Variants in AKT1S1 observed in about 807,000 individuals in gnomAD.
The protein encoded by AKT1S1 is proline-rich AKT1 substrate 1.
Under a neutral mutation model 21.2 loss-of-function variants are expected in AKT1S1, and 17 were observed. The observed-to-expected ratio is 0.80, with a 90% CI of 0.55 to 1.20. AKT1S1 has a LOEUF of 1.20. Ranked by LOEUF, AKT1S1 falls within the 50% of genes most tolerant of loss-of-function variation. The pLI is 0.00. For missense variants in AKT1S1, 366 were observed against 368.3 expected (o/e 0.99, Z 0.05); for synonymous variants, 181 against 165.6 (o/e 1.09, Z -0.72).
chr19:49,873,472 T>C lies in AKT1S1; in HGVS notation c.-7-170A>G. ...CTGCTACTCCCCAGGATTCTCACCATCCAGTCCTCGCAGGCCCAGACCCTG... is the reference window on the plus strand; with the variant it reads ...CTGCTACTCCCCAGGATTCTCACCACCCAGTCCTCGCAGGCCCAGACCCTG... On this transcript the variant is annotated intron_variant, in intron 1 of 4. Coordinates refer to ENST00000344175, the MANE Select transcript of AKT1S1 (RefSeq NM_001098633.4). This position sits in a 1 kb window ranked among gnomAD's most constrained non-coding sequence, Gnocchi z 6.9. 1 of 1,255,704 alleles carries C rather than the reference T, an allele frequency of 8.0e-7. No individual in the cohort carries two copies. The highest frequency in any genetic ancestry group is 1.0e-6 in the Non-Finnish European group (1 of 972,088). 77.8% of individuals were successfully genotyped at this position (1,255,704 alleles called of 1,614,324 possible).
Position 49,873,666 on chromosome 19 carries a change from A to C in AKT1S1, c.-7-364T>G. 8.1e-5 allele frequency: 17 copies of C among 208,930 alleles called. No individual in the cohort carries two copies. Among genetic ancestry groups the C allele is most frequent in the East Asian group, 2.2e-4 (2 of 9,028 alleles). The allele number at this position is 208,930 out of a possible 1,614,324, so 12.9% of individuals were successfully genotyped here. A position where few individuals can be genotyped will look rare whatever the true frequency, so the allele number is the denominator to read the frequency against. ...CTAGCAGAGAGGCCTCTAACAATAAAACCTGCACTGGGTTCTGAAGACTGA... is the reference window on the plus strand; with the variant it reads ...CTAGCAGAGAGGCCTCTAACAATAACACCTGCACTGGGTTCTGAAGACTGA... On this transcript the variant is annotated intron_variant, in intron 1 of 4. Transcript: ENST00000344175. This position sits in a 1 kb window ranked among gnomAD's most constrained non-coding sequence, Gnocchi z 6.9.
At chr19:49,877,670 A>T (rs559648305), upstream of AKT1S1, 2 of 1,583,520 alleles carry the variant, frequency 1.3e-6, no homozygotes, top group African/African-American at 2.7e-5. Flanking sequence ...GGAAGTGACA[A>T]CACGCTGACT....
In AKT1S1 at chr19:49,869,570, G is replaced by T. The variant is rs142522815; in HGVS notation, c.*347C>A. 71 of 212,962 alleles carry T rather than the reference G, an allele frequency of 3.3e-4. No individual in the cohort carries two copies. In the East Asian group the frequency reaches 7.1e-3, roughly 21 times the overall value. 13.2% of individuals were successfully genotyped at this position (212,962 alleles called of 1,614,324 possible). On this transcript the variant is annotated 3_prime_UTR_variant, in exon 5 of 5. Transcript: ENST00000344175. ...AAGAGCTGTCCAGCGACTAGGGGATGGAGCCAATGCCGTGCGAGCAAATCC... is the reference window on the plus strand; with the variant it reads ...AAGAGCTGTCCAGCGACTAGGGGATTGAGCCAATGCCGTGCGAGCAAATCC...
In AKT1S1 at chr19:49,873,232, C is replaced by T. The variant is rs2074906078; in HGVS notation, c.64G>A (p.Ala22Thr). 2.0e-6 allele frequency: 3 copies of T among 1,536,560 alleles called. No homozygotes were observed. The highest frequency in any genetic ancestry group is 2.6e-6 in the Non-Finnish European group (3 of 1,151,436). The stretch of plus-strand genomic sequence containing the variant: ...AGCACCAGCTCCGTGCCAGTCCGGG[C>T]CCGGAAGCGCTCAGCGGCCCCCACC... ...AVVGAAERFRARTGTELVLLT... is the reference protein window; with the variant it reads ...AVVGAAERFRTRTGTELVLLT... The change falls in exon 2 of 5, where the codon GCC (alanine) becomes ACC (threonine). Residue 22 changes from alanine (A) to threonine (T), a missense_variant. Coordinates refer to ENST00000344175, the MANE Select transcript of AKT1S1 (RefSeq NM_001098633.4). This position sits in a 1 kb window ranked among gnomAD's most constrained non-coding sequence, Gnocchi z 6.9.
In AKT1S1 at chr19:49,869,812, G is replaced by T; in HGVS notation, c.*105C>A. The T allele has an allele frequency of 8.3e-7, 1 of 1,206,138 alleles. No individual in the cohort carries two copies. The highest frequency in any genetic ancestry group is 1.1e-6 in the Non-Finnish European group (1 of 924,692). 74.7% of individuals were successfully genotyped at this position (1,206,138 alleles called of 1,614,324 possible). A position where few individuals can be genotyped will look rare whatever the true frequency, so the allele number is the denominator to read the frequency against. ...ACAATCTTGGGAATGGGAGACGCAA[G>T]GAGGCCGGTCCCGGATCGGCCTCAG... On this transcript the variant is annotated 3_prime_UTR_variant, in exon 5 of 5. Transcript: ENST00000344175.
At position 49,876,525 on chromosome 19, in the gene AKT1S1, T is replaced by C. The variant is rs114481180; in HGVS notation, c.-8+712A>G. ...AGGCCATACCCCTCCCGTGAGCCGC[T>C]CGCCCTCCCAGCGCCCCGCTGCCTC... is the stretch of plus-strand genomic sequence containing the variant. On this transcript the variant is annotated intron_variant, in intron 1 of 4. Transcript: ENST00000344175. 2,005 of 1,451,306 alleles carry C rather than the reference T, an allele frequency of 1.4e-3. 22 individuals carry two copies. The African/African-American group carries it at 0.025, about 18-fold the overall frequency. The allele number at this position is 1,451,306 out of a possible 1,614,324, so 89.9% of individuals were successfully genotyped here. A position where few individuals can be genotyped will look rare whatever the true frequency, so the allele number is the denominator to read the frequency against.
intron 4 of AKT1S1, among the ~76,000 whole-genome samples, chr19:49,870,511 C>G (rs2074872494): frequency 6.6e-6 from 1 of 152,206 alleles, no homozygotes; most frequent in African/African-American, 2.4e-5. Context: ...AACAGGGTCT[C>G]TGTGAGGGCT....
In AKT1S1 at chr19:49,869,894, C is replaced by G. The variant is rs905134453; in HGVS notation, c.*23G>C. 19 of 1,465,858 alleles carry G rather than the reference C, an allele frequency of 1.3e-5. No individual in the cohort carries two copies. Among genetic ancestry groups the G allele is most frequent in the Non-Finnish European group, 1.6e-5 (18 of 1,094,634 alleles). The allele number at this position is 1,465,858 out of a possible 1,614,324, so 90.8% of individuals were successfully genotyped here. A position where few individuals can be genotyped will look rare whatever the true frequency, so the allele number is the denominator to read the frequency against. On this transcript the variant is annotated 3_prime_UTR_variant, in exon 5 of 5. Transcript: ENST00000344175. Reference sequence around the variant, plus strand: ...TAGTGTGGGACGGGGCGGACGCGGCCCGGGGCGCTCCCTCCCTGGACTTCA... The same window carrying G: ...TAGTGTGGGACGGGGCGGACGCGGCGCGGGGCGCTCCCTCCCTGGACTTCA...
chr19:49,875,368 G>A (rs890297411), intron 1 of AKT1S1: 4 of 46,926 alleles, frequency 8.5e-5, no homozygotes, highest in Admixed American at 2.1e-4. Flanking sequence ...CTGAAACTGT[G>A]AGGCTCAGAG....
At chr19:49,878,104 C>A (rs3745485), upstream of AKT1S1, 3 of 1,517,550 alleles carry the variant, frequency 2.0e-6, no homozygotes, top group East Asian at 2.5e-5. Context: ...CTGGTCCCCT[C>A]GCTTGGGCCC....
Position 49,872,642 on chromosome 19 carries a change from C to T in AKT1S1, c.379+275G>A, listed in dbSNP as rs538872653. 7.9e-5 allele frequency among the ~76,000 whole-genome samples: 12 copies of T among 152,298 alleles called. No homozygotes were observed. In the South Asian group the frequency reaches 2.3e-3, roughly 29 times the overall value. On this transcript the variant is annotated intron_variant, in intron 2 of 4. Transcript: ENST00000344175. ...CGGGACTCCAGTTCCTTGGCTAGAC[C>T]GGGAGCCCCTTGAGAAAAAAGCCCG...
intron 1 of AKT1S1, chr19:49,876,557 G>A (rs774852190): frequency 2.7e-6 from 4 of 1,484,022 alleles, no homozygotes; most frequent in Middle Eastern, 1.8e-4. Flanking sequence ...CCTCAGGACG[G>A]CCAAATCCTC....
At chr19:49,875,881 C>G (rs1600436319) in intron 1 of AKT1S1, 8 of 985,460 alleles carry the variant, frequency 8.1e-6, no homozygotes, top group Non-Finnish European at 9.6e-6. Context: ...TACCCTTCAG[C>G]TTCTAGAGGA....
In AKT1S1 at chr19:49,869,913, G is replaced by T. The variant is rs1404755294; in HGVS notation, c.*4C>A. The T allele has an allele frequency of 3.3e-6, 5 of 1,511,070 alleles. No homozygotes were observed. The East Asian group carries it at 1.0e-4, about 32-fold the overall frequency. The allele number at this position is 1,511,070 out of a possible 1,614,324, so 93.6% of individuals were successfully genotyped here. On this transcript the variant is annotated 3_prime_UTR_variant, in exon 5 of 5. Coordinates refer to ENST00000344175, the MANE Select transcript of AKT1S1 (RefSeq NM_001098633.4). ...CGCGGCCCGGGGCGCTCCCTCCCTGGACTTCAATATTTCCGCTTCAGCTTC... is the reference window on the plus strand; with the variant it reads ...CGCGGCCCGGGGCGCTCCCTCCCTGTACTTCAATATTTCCGCTTCAGCTTC...
Position 49,872,907 on chromosome 19 carries a change from A to G in AKT1S1, c.379+10T>C. On this transcript the variant is annotated intron_variant, in intron 2 of 4. Coordinates refer to ENST00000344175, the MANE Select transcript of AKT1S1 (RefSeq NM_001098633.4). ...CTGGGCCGCACCCGCCCCTGCCCCC[A>G]CCCTCTCACCTCCATTATCACTAAT... 9.3e-7 allele frequency: 1 copy of G among 1,069,998 alleles called. No homozygotes were observed. 66.3% of individuals were successfully genotyped at this position (1,069,998 alleles called of 1,614,324 possible).
Position 49,877,324 on chromosome 19 carries a change from C to T in AKT1S1, c.-95G>A, listed in dbSNP as rs965296110. 1.4e-5 allele frequency: 3 copies of T among 220,734 alleles called. No homozygotes were observed. The highest frequency in any genetic ancestry group is 6.9e-5 in the African/African-American group (3 of 43,662). The allele number at this position is 220,734 out of a possible 1,614,324, so 13.7% of individuals were successfully genotyped here. Reference sequence around the variant, plus strand: ...CCCGTATTAACATGGCCTTAGCTGACCGGCTTAGGCCATGCCCTCGAGCAA... The same window carrying T: ...CCCGTATTAACATGGCCTTAGCTGATCGGCTTAGGCCATGCCCTCGAGCAA... On this transcript the variant is annotated 5_prime_UTR_variant, in exon 1 of 5. Transcript: ENST00000344175.
At chr19:49,878,089 C>A, upstream of AKT1S1, 2 of 1,460,984 alleles carry the variant, frequency 1.4e-6, no homozygotes, top group South Asian at 1.2e-5. Context: ...TATTGGCTCC[C>A]CAGGCTGGTC....
upstream of AKT1S1, chr19:49,878,148 G>A: frequency 6.3e-7 from 1 of 1,577,254 alleles, no homozygotes; most frequent in South Asian, 1.2e-5. Context: ...CTCAGGTGGT[G>A]TTTGAGAAGG....
rs762069232 is a variant in AKT1S1 at position 49,869,879 on chromosome 19, C to T, written c.*38G>A. 3.0e-5 allele frequency: 43 copies of T among 1,440,848 alleles called. No homozygotes were observed. The Admixed American group carries it at 5.9e-4, about 20-fold the overall frequency. 89.3% of individuals were successfully genotyped at this position (1,440,848 alleles called of 1,614,324 possible). On this transcript the variant is annotated 3_prime_UTR_variant, in exon 5 of 5. Transcript: ENST00000344175. The stretch of plus-strand genomic sequence containing the variant: ...AGTGGGGCGGGGGCGTAGTGTGGGA[C>T]GGGGCGGACGCGGCCCGGGGCGCTC...
Sources: allele counts gnomAD v4.1 joint callset (sites outside exome capture counted in the v4.1 genomes callset), GRCh38; gene constraint gnomAD v4.1.1; non-coding constraint Gnocchi (gnomAD v3.1); transcripts MANE v1.5; gene names NCBI Gene and HGNC (gene_info 2026-07-23, HGNC 2026-07-21).